DOCK3: variants seen among roughly 807,000 people sequenced by gnomAD.
DOCK3 encodes dedicator of cytokinesis 3.
In DOCK3, 60 loss-of-function variants were observed where a neutral mutation model predicts 265.6. That is an observed-to-expected ratio of 0.23 (90% CI 0.18 to 0.28). The LOEUF (loss-of-function observed/expected upper bound fraction) is 0.28, where lower values mean the gene tolerates loss of function less well. Among genes scored for constraint, DOCK3 ranks in the 10% least tolerant of loss-of-function variants. DOCK3 has a pLI of 1.00. For missense variants in DOCK3, 1,981 were observed against 2,594.3 expected, an observed-to-expected ratio of 0.76 and a Z score of 5.14; for synonymous variants, 881 against 938.0, an observed-to-expected ratio of 0.94 and a Z score of 1.11.
chr3:51,132,629 A>G (rs1202501880), intron 9 of DOCK3, among the ~76,000 whole-genome samples: 3 of 152,218 alleles, frequency 2.0e-5, no homozygotes, highest in African/African-American at 7.2e-5. Flanking sequence ...AACCAGCTTC[A>G]TTATGTTCCT....
At chr3:51,183,486 C>G (rs2087419027) in intron 12 of DOCK3, among the ~76,000 whole-genome samples, 1 of 152,048 alleles carries the variant, frequency 6.6e-6, no homozygotes, top group South Asian at 2.1e-4. Flanking sequence ...CATCAGGGAG[C>G]TGAGACTCAG....
chr3:50,975,429 A>G (rs2077409989), intron 5 of DOCK3, among the ~76,000 whole-genome samples: 1 of 150,060 alleles, frequency 6.7e-6, no homozygotes, highest in African/African-American at 2.4e-5. Context: ...CTCTGTTTAT[A>G]TGCTGGATTA....
At chr3:50,770,272 C>T (rs2041192877) in intron 1 of DOCK3, among the ~76,000 whole-genome samples, 1 of 152,080 alleles carries the variant, frequency 6.6e-6, no homozygotes, top group South Asian at 2.1e-4. Context: ...ACAAAATCAA[C>T]ATACAAAAGT....
chr3:51,304,708 T>TG (rs1339202402), intron 27 of DOCK3, among the ~76,000 whole-genome samples: 4 of 152,198 alleles, frequency 2.6e-5, no homozygotes, highest in South Asian at 2.1e-4. Flanking sequence ...TGGCTGGTGG[T>TG]GGGGGGCCCC....
chr3:51,089,344 C>T, intron 8 of DOCK3, 60 bp downstream of exon 8: 1 of 1,550,614 alleles, frequency 6.4e-7, no homozygotes, highest in African/African-American at 1.4e-5. Flanking sequence ...TAAGAGATTA[C>T]AACATATGAA....
chr3:50,712,360 C>T (rs1043491433), intron 1 of DOCK3, among the ~76,000 whole-genome samples: 12 of 152,198 alleles, frequency 7.9e-5, no homozygotes, highest in South Asian at 4.1e-4. Context: ...TTTTTTGAGA[C>T]GGAGTCTCGC....
chr3:51,380,209 T>TA lies in DOCK3; in HGVS notation c.5583+4dup. ...CTCCCTGCCCGGACCCTGCGCAAGGTAATGTACTGAAGCGGCAGCCCCACC... is the reference window on the plus strand; with the variant it reads ...CTCCCTGCCCGGACCCTGCGCAAGGTAAATGTACTGAAGCGGCAGCCCCACC... On this transcript the variant is annotated splice_region_variant and intron_variant, in intron 52 of 52. Transcript: ENST00000266037. The TA allele has an allele frequency of 7.0e-7, 1 of 1,434,604 alleles. No individual in the cohort carries two copies. Among genetic ancestry groups the TA allele is most frequent in the Non-Finnish European group, 9.7e-7 (1 of 1,029,100 alleles). The allele number at this position is 1,434,604 out of a possible 1,614,324, so 88.9% of individuals were successfully genotyped here.
chr3:51,346,088 G>A (rs1223849355), intron 38 of DOCK3, among the ~76,000 whole-genome samples: 1 of 152,034 alleles, frequency 6.6e-6, no homozygotes. Flanking sequence ...AAGTTGGGGA[G>A]CCTGGGTAAA....
At chr3:51,083,555 A>G (rs768123673) in intron 7 of DOCK3, among the ~76,000 whole-genome samples, 1 of 152,222 alleles carries the variant, frequency 6.6e-6, no homozygotes, top group Non-Finnish European at 1.5e-5. Flanking sequence ...CAGAAAAGCA[A>G]TTCATGAGTT....
chr3:50,923,059 C>A (rs1455660455), intron 4 of DOCK3, among the ~76,000 whole-genome samples: 1 of 152,158 alleles, frequency 6.6e-6, no homozygotes, highest in Non-Finnish European at 1.5e-5. Flanking sequence ...GAATAATAGA[C>A]TTCAGTCTCA....
At chr3:50,738,524 G>A (rs1298285379) in intron 1 of DOCK3, among the ~76,000 whole-genome samples, 1 of 152,200 alleles carries the variant, frequency 6.6e-6, no homozygotes, top group East Asian at 1.9e-4. Context: ...ATGAATTTAT[G>A]TGCATGTTTT....
At chr3:51,067,117 G>A (rs1461995805) in intron 6 of DOCK3, among the ~76,000 whole-genome samples, 1 of 152,124 alleles carries the variant, frequency 6.6e-6, no homozygotes, top group Non-Finnish European at 1.5e-5. Context: ...TAACATTACT[G>A]TGTGCCAAGC....
intron 12 of DOCK3, among the ~76,000 whole-genome samples, chr3:51,208,523 G>A (rs1259449894): frequency 6.6e-6 from 1 of 152,208 alleles, no homozygotes; most frequent in Non-Finnish European, 1.5e-5. Context: ...GTGGGATAGT[G>A]TTACTTCTGA....
intron 3 of DOCK3, among the ~76,000 whole-genome samples, chr3:50,857,275 G>GA (rs1372056702): frequency 1.3e-5 from 2 of 152,130 alleles, no homozygotes; most frequent in Non-Finnish European, 2.9e-5. Flanking sequence ...ACATCTGTTA[G>GA]AATTCGGCTG....
intron 2 of DOCK3, among the ~76,000 whole-genome samples, chr3:50,838,627 T>G (rs2045648494): frequency 6.6e-6 from 1 of 152,202 alleles, no homozygotes; most frequent in Non-Finnish European, 1.5e-5. Flanking sequence ...GGGGAGAATA[T>G]AATTGCAGAG....
At chr3:50,822,243 GTATTT>G (rs2044482544) in intron 2 of DOCK3, among the ~76,000 whole-genome samples, 1 of 151,878 alleles carries the variant, frequency 6.6e-6, no homozygotes, top group African/African-American at 2.4e-5. Flanking sequence ...ATATTCCTAG[GTATTT>G]TATTTTATTT....
chr3:50,780,078 G>A (rs931162090), intron 2 of DOCK3, among the ~76,000 whole-genome samples: 4 of 152,072 alleles, frequency 2.6e-5, no homozygotes, highest in African/African-American at 4.8e-5. Flanking sequence ...ATATTTAGGA[G>A]TACACTTCTC....
At chr3:51,309,454 C>T (rs866446522) in intron 27 of DOCK3, among the ~76,000 whole-genome samples, 5 of 152,152 alleles carry the variant, frequency 3.3e-5, no homozygotes, top group South Asian at 2.1e-4. Flanking sequence ...CGTGGCGGCG[C>T]GCGCCTGCAA....
chr3:50,941,229 A>G (rs1398583630), intron 5 of DOCK3, among the ~76,000 whole-genome samples: 1 of 152,176 alleles, frequency 6.6e-6, no homozygotes, highest in Non-Finnish European at 1.5e-5. Flanking sequence ...GAACAGCAAT[A>G]CAACAACTCA....
Sources: allele counts gnomAD v4.1 joint callset (sites outside exome capture counted in the v4.1 genomes callset), GRCh38; gene constraint gnomAD v4.1.1; transcripts MANE v1.5; gene names NCBI Gene and HGNC (gene_info 2026-07-23, HGNC 2026-07-21).